Variants in LPCAT3 observed in about 807,000 individuals in gnomAD.
LPCAT3 encodes the protein lysophosphatidylcholine acyltransferase 3.
A neutral mutation model predicts 63.4 loss-of-function variants in LPCAT3; 21 were observed. That is an observed-to-expected ratio of 0.33 (90% confidence interval 0.23 to 0.48). LPCAT3 has a LOEUF of 0.48. Among genes scored for constraint, LPCAT3 ranks in the 20% least tolerant of loss-of-function variants. The pLI is 0.99. For synonymous variants in LPCAT3, 242 were observed against 227.5 expected (o/e 1.06, Z -0.58); for missense variants, 451 against 590.6 (o/e 0.76, Z 2.45).
At chr12:6,998,689 C>T (rs1565603781) in intron 1 of LPCAT3, among the ~76,000 whole-genome samples, 1 of 152,194 alleles carries the variant, frequency 6.6e-6, no homozygotes, top group East Asian at 1.9e-4. Context: ...GGGATATAGC[C>T]ACCTTTGATC....
Position 6,982,848 on chromosome 12 carries a change from C to T in LPCAT3, c.260-66G>A. 1.5e-5 allele frequency: 15 copies of T among 1,013,118 alleles called. No homozygotes were observed. The South Asian group carries it at 1.7e-4, about 12-fold the overall frequency. 62.8% of individuals were successfully genotyped at this position (1,013,118 alleles called of 1,614,324 possible). The stretch of plus-strand genomic sequence containing the variant: ...CCCACCGTCCTGAGACTTCCAATCA[C>T]AACGTAATATATAAAGAAAAAATGT... On this transcript the variant is annotated intron_variant, in intron 2 of 12. Coordinates refer to ENST00000261407, the MANE Select transcript of LPCAT3 (RefSeq NM_005768.6).
chr12:7,001,021 C>A (rs1946683247), intron 1 of LPCAT3, among the ~76,000 whole-genome samples: 1 of 152,042 alleles, frequency 6.6e-6, no homozygotes, highest in African/African-American at 2.4e-5. Flanking sequence ...ATTGAGTATT[C>A]TTTTAATGGA....
At position 6,977,267 on chromosome 12, in the gene LPCAT3, GGA is replaced by G; in HGVS notation, c.1348-7_1348-6del. ...GAAATAGATGGATTTATACACCTGT[GGA>G]GAGAGAGGCCACTAAGGTAGACAGG... On this transcript the variant is annotated splice_polypyrimidine_tract_variant and splice_region_variant and intron_variant, in intron 11 of 12. Coordinates refer to ENST00000261407, the MANE Select transcript of LPCAT3 (RefSeq NM_005768.6). This position sits in a 1 kb window ranked among gnomAD's most constrained non-coding sequence, Gnocchi z 4.5. 2 of 1,611,008 alleles carry G rather than the reference GGA, an allele frequency of 1.2e-6. No individual in the cohort carries two copies. Among genetic ancestry groups the G allele is most frequent in the South Asian group, 1.1e-5 (1 of 91,012 alleles).
Position 6,978,500 on chromosome 12 carries a change from ACTC to A in LPCAT3, c.878_880del (p.Gly293del). 2 of 1,612,288 alleles carry A rather than the reference ACTC, an allele frequency of 1.2e-6. No individual in the cohort carries two copies. The highest frequency in any genetic ancestry group is 1.7e-6 in the Non-Finnish European group (2 of 1,178,826). On this transcript the variant is annotated inframe_deletion, in exon 9 of 13. Coordinates refer to ENST00000261407, the MANE Select transcript of LPCAT3 (RefSeq NM_005768.6). ...GAAGCCCAGGCCCGTCAAAATGCAT[ACTC>A]CTTCCTGAGAGGGAATAGCTCAGTT...
intron 1 of LPCAT3, chr12:6,997,379 ATGTGTGTGTGTGTGTGTGTGTGTGTGTG>A (rs201579525): frequency 8.8e-6 from 1 of 114,046 alleles, no homozygotes; most frequent in Non-Finnish European, 1.8e-5. Context: ...ACAGCAAATT[ATGTGTGTGTGTGTGTGTGTGTGTGTGTG>A]TGTGTGTGTG....
Position 7,018,425 on chromosome 12 carries a change from C to T in LPCAT3, c.-1G>A. The T allele has an allele frequency of 6.2e-7, 1 of 1,600,378 alleles. No homozygotes were observed. Among genetic ancestry groups the T allele is most frequent in the South Asian group, 1.1e-5 (1 of 89,208 alleles). ...CGTCCCCCTCCGCTGAGGACGCCAT[C>T]TTAACTCCGGGAGCCCCACAGGGAC... On this transcript the variant is annotated 5_prime_UTR_variant, in exon 1 of 13. Transcript: ENST00000261407. The surrounding 1 kb of genome is among the most constrained non-coding windows in gnomAD (Gnocchi z 4.9).
intron 1 of LPCAT3, among the ~76,000 whole-genome samples, chr12:6,985,076 T>C (rs1946507781): frequency 7.1e-6 from 1 of 140,600 alleles, no homozygotes; most frequent in African/African-American, 2.7e-5. Context: ...CTAGTCATTT[T>C]TCCCCCATAC....
chr12:6,981,639 A>G lies in LPCAT3; in HGVS notation c.461-7T>C. On this transcript the variant is annotated splice_region_variant and splice_polypyrimidine_tract_variant and intron_variant, in intron 4 of 12. Transcript: ENST00000261407. The stretch of plus-strand genomic sequence containing the variant: ...AAGTAGTCAACAGCCAAACCTGAGC[A>G]GAGAGAGAACGGATGGGTAGGGTGG... 6.5e-7 allele frequency: 1 copy of G among 1,544,464 alleles called. No homozygotes were observed. Among genetic ancestry groups the G allele is most frequent in the Non-Finnish European group, 8.8e-7 (1 of 1,134,760 alleles).
At chr12:7,015,980 C>T (rs1946795272) in intron 1 of LPCAT3, among the ~76,000 whole-genome samples, 1 of 152,184 alleles carries the variant, frequency 6.6e-6, no homozygotes, top group Non-Finnish European at 1.5e-5. Context: ...AATTCCAAGT[C>T]CTAATTCCAG....
At chr12:7,001,467 G>C (rs1946687073) in intron 1 of LPCAT3, 7 of 455,928 alleles carry the variant, frequency 1.5e-5, no homozygotes, top group Non-Finnish European at 3.1e-5. Context: ...CTGCGGGTAG[G>C]GGCTTCATCC....
At chr12:6,982,027 C>T (rs1946476504) in intron 3 of LPCAT3, 123 bp from the exon 4 acceptor site, 1 of 641,240 alleles carries the variant, frequency 1.6e-6, no homozygotes, top group African/African-American at 1.8e-5. Flanking sequence ...TAATAAATTC[C>T]TACAAATGGA....
intron 1 of LPCAT3, among the ~76,000 whole-genome samples, chr12:7,008,448 G>A (rs1946741215): frequency 6.6e-6 from 1 of 152,124 alleles, no homozygotes; most frequent in African/African-American, 2.4e-5. Context: ...TGCAACTAGG[G>A]AACCTAATTT....
intron 2 of LPCAT3, 144 bp downstream of exon 2, chr12:6,983,288 G>A: frequency 1.5e-6 from 1 of 651,704 alleles, no homozygotes; most frequent in Non-Finnish European, 2.8e-6. Flanking sequence ...AAGTTAAGCT[G>A]TGTTCCTCTT....
chr12:6,977,451 ATAG>A lies in LPCAT3; in HGVS notation c.1260_1262del (p.Tyr421del). ...GCCAGTGGATGGTCTGTTGCACCAA[ATAG>A]TAGAAGGGCTGGAGGACAGTAATGG... On this transcript the variant is annotated inframe_deletion, in exon 11 of 13. Transcript: ENST00000261407. This position sits in a 1 kb window ranked among gnomAD's most constrained non-coding sequence, Gnocchi z 4.5. 6.2e-7 allele frequency: 1 copy of A among 1,614,188 alleles called. No individual in the cohort carries two copies. The highest frequency in any genetic ancestry group is 1.1e-5 in the South Asian group (1 of 91,076).
intron 1 of LPCAT3, among the ~76,000 whole-genome samples, chr12:6,989,709 G>T (rs1024873805): frequency 1.3e-5 from 2 of 152,120 alleles, no homozygotes; most frequent in Admixed American, 1.3e-4. Flanking sequence ...TCAGTCTCTG[G>T]ACTTCACTCA....
Position 6,980,997 on chromosome 12 carries a change from C to T in LPCAT3, c.677+7G>A. On this transcript the variant is annotated splice_region_variant and intron_variant, in intron 6 of 12. Coordinates refer to ENST00000261407, the MANE Select transcript of LPCAT3 (RefSeq NM_005768.6). ...ACACAAACATCTGGACCAAGAGGGG[C>T]AATTACCTGTTTGGTATCTTTCCTG... The T allele has an allele frequency of 2.5e-6, 4 of 1,580,246 alleles. No individual in the cohort carries two copies. The African/African-American group carries it at 4.1e-5, about 16-fold the overall frequency.
intron 4 of LPCAT3, 57 bp downstream of exon 4, chr12:6,981,754 T>C: frequency 2.7e-6 from 4 of 1,498,352 alleles, no homozygotes; most frequent in Non-Finnish European, 2.8e-6. Context: ...AGGAAGTTTT[T>C]AGTGAGATGG....
chr12:6,983,065 T>C, intron 2 of LPCAT3: 1 of 552,972 alleles, frequency 1.8e-6, no homozygotes, highest in Non-Finnish European at 3.4e-6. Context: ...CACTGCAGCC[T>C]TGAATTCCGG....
intron 1 of LPCAT3, among the ~76,000 whole-genome samples, chr12:7,008,504 T>G (rs1555157021): frequency 6.6e-6 from 1 of 152,146 alleles, no homozygotes; most frequent in Non-Finnish European, 1.5e-5. Flanking sequence ...TTAAGAAACG[T>G]AAGGAGATCA....
Sources: allele counts gnomAD v4.1 joint callset (sites outside exome capture counted in the v4.1 genomes callset), GRCh38; gene constraint gnomAD v4.1.1; non-coding constraint Gnocchi (gnomAD v3.1); transcripts MANE v1.5; gene names NCBI Gene and HGNC (gene_info 2026-07-23, HGNC 2026-07-21).